WDFY3: variants seen among roughly 807,000 people sequenced by gnomAD.
WDFY3 encodes the protein WD repeat and FYVE domain-containing protein 3.
Under a neutral mutation model 409.6 loss-of-function variants are expected in WDFY3, and 66 were observed. The observed-to-expected ratio is 0.16, with a 90% CI of 0.13 to 0.20. The LOEUF (loss-of-function observed/expected upper bound fraction) is 0.20, where lower values mean the gene tolerates loss of function less well. Ranked by LOEUF, WDFY3 falls within the 10% of genes least tolerant of loss-of-function variation. The probability of loss-of-function intolerance (pLI) is 1.00; values close to 1 mark genes in which losing one functional copy is unlikely to be tolerated. For synonymous variants in WDFY3, 1,521 were observed against 1,537.1 expected (o/e 0.99, Z 0.25); for missense variants, 3,031 against 4,298.1 (o/e 0.71, Z 8.24).
At chr4:84,762,227 T>C (rs1742758006) in intron 32 of WDFY3, among the ~76,000 whole-genome samples, 1 of 151,350 alleles carries the variant, frequency 6.6e-6, no homozygotes, top group Admixed American at 6.6e-5. Flanking sequence ...TGTCCAACAA[T>C]GATAGACTGG....
chr4:84,924,023 A>C (rs553793643), intron 2 of WDFY3, among the ~76,000 whole-genome samples: 1 of 152,336 alleles, frequency 6.6e-6, no homozygotes, highest in Admixed American at 6.5e-5. Flanking sequence ...TTTTGTTAAT[A>C]GAAACATTTA....
At chr4:84,896,575 T>C (rs1303419367) in intron 3 of WDFY3, among the ~76,000 whole-genome samples, 1 of 152,156 alleles carries the variant, frequency 6.6e-6, no homozygotes, top group Non-Finnish European at 1.5e-5. Context: ...ACAGTAAAAG[T>C]AAATATCCCA....
In WDFY3 at chr4:84,723,450, CT is replaced by C. The variant is rs1224135135; in HGVS notation, c.7441+975del. 3.3e-5 allele frequency among the ~76,000 whole-genome samples: 5 copies of C among 152,114 alleles called. No homozygotes were observed. In the East Asian group the frequency reaches 9.6e-4, roughly 29 times the overall value. On this transcript the variant is annotated intron_variant, in intron 46 of 67. Transcript: ENST00000295888. The stretch of plus-strand genomic sequence containing the variant: ...TATTAGTTTTTAATTTTAAAACTAA[CT>C]TTTACTTAAAATCTTAATTTACACT...
intron 21 of WDFY3, among the ~76,000 whole-genome samples, chr4:84,792,797 T>C (rs1748742169): frequency 6.6e-6 from 1 of 152,218 alleles, no homozygotes; most frequent in Admixed American, 6.5e-5. Context: ...AAATTCCCCA[T>C]TATTATTCAC....
At chr4:84,805,429 A>C (rs1167592984) in intron 15 of WDFY3, among the ~76,000 whole-genome samples, 1 of 152,180 alleles carries the variant, frequency 6.6e-6, no homozygotes, top group African/African-American at 2.4e-5. Flanking sequence ...AAAACACGGT[A>C]TTTATTAACT....
chr4:84,772,305 A>G (rs1367268786), intron 30 of WDFY3, among the ~76,000 whole-genome samples: 2 of 152,172 alleles, frequency 1.3e-5, no homozygotes, highest in African/African-American at 2.4e-5. Context: ...TATGTACTAA[A>G]TGAGGAAAGG....
intron 3 of WDFY3, among the ~76,000 whole-genome samples, chr4:84,872,956 C>T (rs374621007): frequency 1.8e-4 from 28 of 152,016 alleles, no homozygotes; most frequent in African/African-American, 5.6e-4. Flanking sequence ...GCATTATATA[C>T]CGACAAAGGG....
intron 1 of WDFY3, among the ~76,000 whole-genome samples, chr4:84,947,299 T>A (rs986358490): frequency 2.1e-5 from 3 of 144,002 alleles, no homozygotes; most frequent in African/African-American, 7.7e-5. Flanking sequence ...GATCACGAGG[T>A]CAGGAGATGG....
intron 2 of WDFY3, among the ~76,000 whole-genome samples, chr4:84,916,902 A>G (rs755740730): frequency 9.7e-4 from 147 of 152,286 alleles, no homozygotes; most frequent in Non-Finnish European, 1.5e-3. Context: ...TTTAGACTCA[A>G]TGATAAAAGA....
chr4:84,708,413 G>C (rs1335508727), intron 53 of WDFY3, among the ~76,000 whole-genome samples: 1 of 152,058 alleles, frequency 6.6e-6, no homozygotes, highest in African/African-American at 2.4e-5. Flanking sequence ...TCAGTAAGTG[G>C]GTCAATTATC....
chr4:84,785,883 A>G, intron 24 of WDFY3, 96 bp downstream of exon 24: 1 of 1,428,826 alleles, frequency 7.0e-7, no homozygotes, highest in Non-Finnish European at 9.5e-7. Context: ...CATGATTTTT[A>G]GCAGTCACTC....
intron 2 of WDFY3, among the ~76,000 whole-genome samples, chr4:84,910,219 C>T (rs1279855580): frequency 4.6e-5 from 7 of 152,002 alleles, no homozygotes; most frequent in African/African-American, 1.7e-4. Flanking sequence ...CAGGAGGATA[C>T]GCACAGGTTA....
intron 36 of WDFY3, among the ~76,000 whole-genome samples, chr4:84,744,852 CAAAAAAAAAAAAAAAAA>C (rs1165273561): frequency 1.3e-4 from 2 of 15,764 alleles, no homozygotes; most frequent in African/African-American, 4.9e-4. Flanking sequence ...GACTCCGTCT[CAAAAAAAAAAAAAAAAA>C]AAAAAAAAAA....
intron 30 of WDFY3, among the ~76,000 whole-genome samples, chr4:84,769,053 A>C (rs1213410900): frequency 3.3e-5 from 5 of 152,238 alleles, no homozygotes; most frequent in Non-Finnish European, 7.3e-5. Context: ...AAACAGCAAG[A>C]GAACTAGAAT....
At position 84,958,008 on chromosome 4, in the gene WDFY3, T is replaced by C. The variant is rs149755418; in HGVS notation, c.-226+8201A>G. Among the ~76,000 whole-genome samples the C allele has an allele frequency of 4.7e-4, 71 of 152,350 alleles. No individual in the cohort carries two copies. The East Asian group carries it at 0.014, about 29-fold the overall frequency. ...GGAGATAAATTATTTCCACATTTCT[T>C]TGCTACTGTATTTCTTTATTATTAC... is the stretch of plus-strand genomic sequence containing the variant. On this transcript the variant is annotated intron_variant, in intron 1 of 67. Coordinates refer to ENST00000295888, the MANE Select transcript of WDFY3 (RefSeq NM_014991.6).
At chr4:84,943,440 C>T (rs1031634149) in intron 1 of WDFY3, among the ~76,000 whole-genome samples, 4 of 151,188 alleles carry the variant, frequency 2.6e-5, no homozygotes, top group African/African-American at 9.7e-5. Flanking sequence ...GGAGGCGGAG[C>T]TTGCAGTGAG....
In WDFY3 at chr4:84,794,984, T is replaced by C; in HGVS notation, c.3168-5A>G. On this transcript the variant is annotated splice_polypyrimidine_tract_variant and splice_region_variant and intron_variant, in intron 19 of 67. Transcript: ENST00000295888. ...AAACTGGGCAAAAAAAGACATCTAT[T>C]AAAGAAAAGACAACATACATATTAG... The C allele has an allele frequency of 1.3e-6, 2 of 1,538,288 alleles. No individual in the cohort carries two copies. Among genetic ancestry groups the C allele is most frequent in the Non-Finnish European group, 1.7e-6 (2 of 1,148,984 alleles).
intron 43 of WDFY3, among the ~76,000 whole-genome samples, chr4:84,734,278 CAAAT>C (rs1360536335): frequency 6.6e-6 from 1 of 151,998 alleles, no homozygotes; most frequent in Non-Finnish European, 1.5e-5. Context: ...TAGACAGTGA[CAAAT>C]AACTTGCCCA....
Position 84,715,380 on chromosome 4 carries a change from T to C in WDFY3, c.7879A>G (p.Ile2627Val). The part of the protein sequence containing the change: ...VHKRRYLLQP[I>V]AVEVFSGDGR... ...TCTCCAGAGAAAACTTCCACAGCAA[T>C]AGGCTGAAATGATCAGAGAGAAAAA... The change falls in exon 50 of 68, where the codon ATT becomes GTT. Residue 2627 changes from isoleucine (I) to valine (V), a missense_variant. Ile to Val is a conservative substitution (Grantham distance 29). This residue lies in a region of WDFY3 where 45 missense variants were observed against 121.8 expected (regional missense o/e 0.37). Coordinates refer to ENST00000295888, the MANE Select transcript of WDFY3 (RefSeq NM_014991.6). The C allele has an allele frequency of 6.4e-7, 1 of 1,563,200 alleles. No individual in the cohort carries two copies. Among genetic ancestry groups the C allele is most frequent in the Non-Finnish European group, 8.8e-7 (1 of 1,137,254 alleles).
Sources: gnomAD v4.1 joint callset for allele counts (sites outside exome capture counted in the v4.1 genomes callset) on GRCh38, gnomAD v4.1.1 for gene constraint, gnomAD v4.1.1 regional missense constraint, MANE v1.5 for transcripts, NCBI Gene and HGNC (gene_info 2026-07-23, HGNC 2026-07-21) for gene names.